FBXL13: variants seen among roughly 807,000 people sequenced by gnomAD.
FBXL13 encodes F-box and leucine rich repeat protein 13.
FBXL13 carries 67 observed loss-of-function variants against 83.6 expected under a neutral mutation model. The ratio of observed to expected loss-of-function variants is 0.80; its 90% CI spans 0.66 to 0.98. The LOEUF (loss-of-function observed/expected upper bound fraction) is 0.98. Ranked by LOEUF, FBXL13 falls within the 50% of genes least tolerant of loss-of-function variation. The pLI is 0.00. For synonymous variants in FBXL13, 272 were observed against 299.5 expected (o/e 0.91, Z 0.95); for missense variants, 822 against 866.5 (o/e 0.95, Z 0.64).
intron 2 of FBXL13, among the ~76,000 whole-genome samples, chr7:103,054,634 T>C (rs1209392708): frequency 6.6e-6 from 1 of 152,168 alleles, no homozygotes; most frequent in Non-Finnish European, 1.5e-5. Flanking sequence ...CAATAATATT[T>C]TGGTCATGTC....
intron 16 of FBXL13, among the ~76,000 whole-genome samples, chr7:102,875,185 G>A (rs1809057040): frequency 6.6e-6 from 1 of 152,130 alleles, no homozygotes. Context: ...AAAAATCCTG[G>A]GCCTTTAAGC....
At chr7:102,910,091 T>G (rs1424935221) in intron 11 of FBXL13, among the ~76,000 whole-genome samples, 1 of 152,170 alleles carries the variant, frequency 6.6e-6, no homozygotes, top group Non-Finnish European at 1.5e-5. Flanking sequence ...AATTCCCCTG[T>G]GTCTAGGCCT....
intron 11 of FBXL13, among the ~76,000 whole-genome samples, chr7:102,902,532 T>C (rs1813093877): frequency 6.6e-6 from 1 of 152,190 alleles, no homozygotes; most frequent in Non-Finnish European, 1.5e-5. Context: ...GGAGATTTTC[T>C]CCAATGTTCT....
intron 6 of FBXL13, among the ~76,000 whole-genome samples, chr7:103,016,862 G>A (rs1792408507): frequency 6.6e-6 from 1 of 152,218 alleles, no homozygotes. Context: ...CACAGCTCCA[G>A]GAGGCCTACC....
chr7:102,944,819 G>A, intron 8 of FBXL13: 1 of 479,408 alleles, frequency 2.1e-6, no homozygotes, highest in Non-Finnish European at 3.6e-6. Context: ...ACAGCATCTG[G>A]TGATATGCAA....
At chr7:103,012,470 C>G (rs1484987109) in intron 6 of FBXL13, among the ~76,000 whole-genome samples, 2 of 152,032 alleles carry the variant, frequency 1.3e-5, no homozygotes, top group African/African-American at 4.8e-5. Flanking sequence ...GGCAGAAACC[C>G]TACAAGCCAG....
chr7:102,917,597 GCAAT>G (rs747905325), intron 10 of FBXL13, among the ~76,000 whole-genome samples: 5 of 152,210 alleles, frequency 3.3e-5, no homozygotes, highest in Non-Finnish European at 7.3e-5. Context: ...GAAGCATGCA[GCAAT>G]CAGATGACTG....
intron 6 of FBXL13, among the ~76,000 whole-genome samples, chr7:102,996,807 A>T (rs759444128): frequency 5.3e-5 from 8 of 152,216 alleles, no homozygotes; most frequent in Non-Finnish European, 1.2e-4. Context: ...GACAAGCAAG[A>T]AGATCCTAAG....
At chr7:103,016,631 A>G (rs569397827) in intron 6 of FBXL13, among the ~76,000 whole-genome samples, 29 of 152,232 alleles carry the variant, frequency 1.9e-4, no homozygotes, top group African/African-American at 7.0e-4. Flanking sequence ...CCACCCTAAT[A>G]CTGTGCTTTT....
intron 2 of FBXL13, among the ~76,000 whole-genome samples, chr7:103,049,351 C>G (rs1427639213): frequency 6.6e-6 from 1 of 152,144 alleles, no homozygotes; most frequent in African/African-American, 2.4e-5. Context: ...TTTATTTTAT[C>G]AATAATCTTT....
chr7:102,867,453 A>C (rs551238654), intron 16 of FBXL13, among the ~76,000 whole-genome samples: 1 of 151,956 alleles, frequency 6.6e-6, no homozygotes, highest in East Asian at 1.9e-4. Context: ...TAACTTGTAG[A>C]GATGGGGAAA....
chr7:102,900,398 T>C (rs1812818000), intron 11 of FBXL13, among the ~76,000 whole-genome samples: 1 of 152,248 alleles, frequency 6.6e-6, no homozygotes, highest in Admixed American at 6.5e-5. Flanking sequence ...CTTTTTGTTT[T>C]ATTGAGACCT....
At position 102,974,748 on chromosome 7, in the gene FBXL13, T is replaced by C. The variant is rs147582951; in HGVS notation, c.496-6631A>G. The stretch of plus-strand genomic sequence containing the variant: ...TCCAGCAGACTGCTGTCCATTCCTC[T>C]CAGCCCCTGCCTCTCCCTCTCAGCC... On this transcript the variant is annotated intron_variant, in intron 6 of 19. Coordinates refer to ENST00000313221, the Ensembl canonical transcript of FBXL13. 3.7e-3 allele frequency among the ~76,000 whole-genome samples: 565 copies of C among 152,124 alleles called. 5 individuals are homozygous for C. Among genetic ancestry groups the C allele is most frequent in the African/African-American group, 0.013 (558 of 41,502 alleles).
intron 2 of FBXL13, among the ~76,000 whole-genome samples, chr7:103,046,017 G>A (rs1796239498): frequency 6.6e-6 from 1 of 152,106 alleles, no homozygotes; most frequent in Non-Finnish European, 1.5e-5. Context: ...AGTGCACCAG[G>A]GAGACTATTA....
At chr7:102,976,124 C>T (rs776668132) in intron 6 of FBXL13, 2 of 766,490 alleles carry the variant, frequency 2.6e-6, no homozygotes, top group Admixed American at 1.7e-5. Context: ...AACCCTCCTA[C>T]TCGGATCTCG....
chr7:103,050,810 C>G (rs1434998952), intron 2 of FBXL13, among the ~76,000 whole-genome samples: 2 of 152,178 alleles, frequency 1.3e-5, no homozygotes, highest in Non-Finnish European at 2.9e-5. Flanking sequence ...TTCCCATGTC[C>G]CATGGTCCTG....
chr7:103,031,761 G>C (rs1450969916), intron 2 of FBXL13, among the ~76,000 whole-genome samples: 1 of 152,218 alleles, frequency 6.6e-6, no homozygotes, highest in Non-Finnish European at 1.5e-5. Flanking sequence ...GAGTGGGAAT[G>C]TGTAAATAAA....
At position 103,055,198 on chromosome 7, in the gene FBXL13, T is replaced by TA. The variant is rs1477189759; in HGVS notation, c.-1+445dup. The TA allele has an allele frequency of 8.2e-7, 1 of 1,212,778 alleles. No individual in the cohort carries two copies. The allele number at this position is 1,212,778 out of a possible 1,614,324, so 75.1% of individuals were successfully genotyped here. On this transcript the variant is annotated intron_variant, in intron 2 of 19. Transcript: ENST00000313221. The stretch of plus-strand genomic sequence containing the variant: ...ATATCCCTTTAATAACATCATAAAA[T>TA]ACAGTCAAAATTAATTTCATTAATT...
intron 18 of FBXL13, chr7:102,827,050 C>G (rs1214540460): frequency 2.4e-6 from 1 of 414,034 alleles, no homozygotes; most frequent in Admixed American, 2.4e-5. Context: ...GTTTCCTCAC[C>G]TCTTGAATCT....
Sources: allele counts gnomAD v4.1 joint callset (sites outside exome capture counted in the v4.1 genomes callset), GRCh38; gene constraint gnomAD v4.1.1; transcripts MANE v1.5; gene names NCBI Gene and HGNC (gene_info 2026-07-23, HGNC 2026-07-21).